The following CDH26 variants were observed in gnomAD, a reference collection of about 807,000 sequenced individuals.
The protein encoded by CDH26 is cadherin 26, also known as cadherin-like protein 26.
CDH26 carries 83 observed loss-of-function variants against 90.3 expected under a neutral mutation model. The ratio of observed to expected loss-of-function variants is 0.92; its 90% CI spans 0.77 to 1.10. The LOEUF is 1.10. Ranked by LOEUF, CDH26 falls within the 50% of genes least tolerant of loss-of-function variation. The probability of loss-of-function intolerance (pLI) is 0.00; values close to 1 mark genes in which losing one functional copy is unlikely to be tolerated. For synonymous variants in CDH26, 397 were observed against 396.3 expected (o/e 1.00, Z -0.02); for missense variants, 1,013 against 1,037.6 (o/e 0.98, Z 0.33).
Position 59,994,471 on chromosome 20 carries a change from A to G in CDH26, c.1648A>G (p.Lys550Glu), listed in dbSNP as rs1365601330. 1 of 1,614,028 alleles carries G rather than the reference A, an allele frequency of 6.2e-7. No individual in the cohort carries two copies. Among genetic ancestry groups the G allele is most frequent in the Admixed American group, 1.7e-5 (1 of 60,022 alleles). Residue 550 changes from lysine (K) to glutamate (E), a missense_variant, in exon 11 of 18, where the codon AAG (lysine) becomes GAG (glutamate). Coordinates refer to ENST00000348616, the MANE Select transcript of CDH26 (RefSeq NM_177980.4). ...CTGGGGAAATGCGGAGGACACATGG[A>G]AGTTGGGGAGAAATTGGGGTGAGTT... ...NTWGNAEDTW[K>E]LGRNWGQSVE...
chr20:59,965,150 A>G (rs531023084), intron 1 of CDH26, among the ~76,000 whole-genome samples: 1 of 152,354 alleles, frequency 6.6e-6, no homozygotes, highest in South Asian at 2.1e-4. Context: ...ATAGACAGAA[A>G]TATAACCTGG....
chr20:59,968,012 TTC>T (rs2061196949), intron 1 of CDH26, among the ~76,000 whole-genome samples: 15 of 124,516 alleles, frequency 1.2e-4, no homozygotes, highest in African/African-American at 2.3e-4. Flanking sequence ...TCTTTCTTTC[TTC>T]CTTTCTCTCT....
rs368126414 is a variant in CDH26, at chr20:59,966,634, G to A, written c.70-2333G>A. Among the ~76,000 whole-genome samples, 142 of 152,308 alleles carry A rather than the reference G, an allele frequency of 9.3e-4. 6 individuals are homozygous for A. In the South Asian group the frequency reaches 0.028, roughly 30 times the overall value. On this transcript the variant is annotated intron_variant, in intron 1 of 17. Transcript: ENST00000348616. ...GGCATCAGCAATTCCACTCACCAAC[G>A]TTATTGTTTTGCACCATCAGTGCAA... is the stretch of plus-strand genomic sequence containing the variant.
At chr20:59,989,373 A>G (rs1485632793) in intron 9 of CDH26, among the ~76,000 whole-genome samples, 1 of 151,528 alleles carries the variant, frequency 6.6e-6, no homozygotes, top group East Asian at 1.9e-4. Flanking sequence ...CTAAAAATAC[A>G]AAAAATTAGC....
At chr20:60,034,860 C>T (rs564105320), downstream of CDH26, among the ~76,000 whole-genome samples, 3 of 152,296 alleles carry the variant, frequency 2.0e-5, no homozygotes, top group East Asian at 1.9e-4. Flanking sequence ...GTGGAGGCTC[C>T]GGCACAGGTG....
intron 1 of CDH26, among the ~76,000 whole-genome samples, chr20:59,959,358 C>T (rs998901348): frequency 1.3e-5 from 2 of 151,880 alleles, no homozygotes; most frequent in African/African-American, 4.8e-5. Context: ...CCTTGCCCTT[C>T]CGAAGTGTTG....
intron 4 of CDH26, among the ~76,000 whole-genome samples, chr20:59,979,729 C>T (rs113343250): frequency 0.017 from 2,405 of 145,020 alleles, 64 homozygotes; most frequent in African/African-American, 0.056. Context: ...TGGGTTCAAG[C>T]GATTCTCCTG....
At chr20:59,979,173 T>C (rs1282808690) in intron 4 of CDH26, among the ~76,000 whole-genome samples, 1 of 151,668 alleles carries the variant, frequency 6.6e-6, no homozygotes, top group Admixed American at 6.6e-5. Context: ...TGTCATTGTG[T>C]GCATCAAGAG....
At position 59,992,659 on chromosome 20, in the gene CDH26, A is replaced by T. The variant is rs1005728618; in HGVS notation, c.1426+139A>T. On this transcript the variant is annotated intron_variant, in intron 10 of 17. Coordinates refer to ENST00000348616, the MANE Select transcript of CDH26 (RefSeq NM_177980.4). The surrounding 1 kb of genome is among the most constrained non-coding windows in gnomAD (Gnocchi z 5.0). ...TTATCACTCTGCATCCATGCTGGTG[A>T]TTATTTTTGGTAATAATTCTTAAAA... 7 of 835,982 alleles carry T rather than the reference A, an allele frequency of 8.4e-6. No individual in the cohort carries two copies. The African/African-American group carries it at 1.2e-4, about 14-fold the overall frequency. 51.8% of individuals were successfully genotyped at this position (835,982 alleles called of 1,614,324 possible).
At chr20:59,964,591 C>T (rs1359918840) in intron 1 of CDH26, among the ~76,000 whole-genome samples, 3 of 152,128 alleles carry the variant, frequency 2.0e-5, no homozygotes, top group Non-Finnish European at 4.4e-5. Context: ...TAACAATTTC[C>T]AGTCTTCCTG....
chr20:60,001,949 C>G (rs1327288107), intron 15 of CDH26, among the ~76,000 whole-genome samples: 1 of 152,192 alleles, frequency 6.6e-6, no homozygotes, highest in Non-Finnish European at 1.5e-5. Context: ...AATATACCAT[C>G]TTATGTAACC....
chr20:59,978,311 C>T (rs948468645), intron 4 of CDH26, among the ~76,000 whole-genome samples: 1 of 151,974 alleles, frequency 6.6e-6, no homozygotes, highest in African/African-American at 2.4e-5. Flanking sequence ...CAAACTGTCC[C>T]CCAAAGTGGC....
At chr20:60,029,535 G>C (rs1030740680) in intron 7 of CDH26, among the ~76,000 whole-genome samples, 4 of 152,172 alleles carry the variant, frequency 2.6e-5, no homozygotes, top group East Asian at 1.9e-4. Flanking sequence ...TGTTACATAG[G>C]TATACATATG....
At chr20:59,961,855 G>A (rs2061078994) in intron 1 of CDH26, among the ~76,000 whole-genome samples, 1 of 152,158 alleles carries the variant, frequency 6.6e-6, no homozygotes, top group Non-Finnish European at 1.5e-5. Context: ...TGGGGCTGTG[G>A]CAGGCTTCAA....
intron 8 of CDH26, among the ~76,000 whole-genome samples, chr20:60,032,817 G>A (rs894215131): frequency 2.2e-5 from 3 of 135,930 alleles, no homozygotes; most frequent in African/African-American, 8.3e-5. Context: ...ATGGACACAG[G>A]AAGGGGAATA....
chr20:59,963,209 AT>A (rs2061098682), intron 1 of CDH26, among the ~76,000 whole-genome samples: 1 of 151,534 alleles, frequency 6.6e-6, no homozygotes, highest in Non-Finnish European at 1.5e-5. Context: ...CAGAGCATAA[AT>A]TACCTGCCCG....
chr20:60,032,194 A>T (rs195027), intron 8 of CDH26, among the ~76,000 whole-genome samples: 134,369 of 152,228 alleles, frequency 0.88, 59,520 homozygotes, highest in Non-Finnish European at 0.91. Flanking sequence ...AACAGGTAAA[A>T]CCACCAAGGC....
intron 10 of CDH26, among the ~76,000 whole-genome samples, chr20:59,993,624 T>A (rs1471271010): frequency 6.6e-6 from 1 of 152,278 alleles, no homozygotes; most frequent in African/African-American, 2.4e-5. Context: ...TAGTATTCCA[T>A]AGTATACATA....
chr20:60,002,820 G>A lies in CDH26; in HGVS notation c.2174G>A (p.Gly725Asp), dbSNP rs1483611173. 6.3e-7 allele frequency: 1 copy of A among 1,599,856 alleles called. No homozygotes were observed. The change falls in exon 16 of 18, where the codon GGC (glycine) becomes GAC (aspartate). Residue 725 changes from glycine to aspartate, a missense_variant. Transcript: ENST00000348616. Reference sequence around the variant, plus strand: ...ATTTCATCTTTCTTTAAGGGTTATGGCAAGCCCTTTGAGCCAAGAAGTGTG... The same window carrying A: ...ATTTCATCTTTCTTTAAGGGTTATGACAAGCCCTTTGAGCCAAGAAGTGTG... ...ARCALGSWGY[G>D]KPFEPRSVKN... is the part of the protein sequence containing the mutation.
Sources: gnomAD v4.1 joint callset for allele counts (sites outside exome capture counted in the v4.1 genomes callset) on GRCh38, gnomAD v4.1.1 for gene constraint, Gnocchi (gnomAD v3.1) non-coding constraint, MANE v1.5 for transcripts, NCBI Gene and HGNC (gene_info 2026-07-23, HGNC 2026-07-21) for gene names.